LRRIQ3: variants seen among roughly 807,000 people sequenced by gnomAD.
The protein encoded by LRRIQ3 is leucine rich repeats and IQ motif containing 3.
A neutral mutation model predicts 59.3 loss-of-function variants in LRRIQ3; 75 were observed. The ratio of observed to expected loss-of-function variants is 1.26; its 90% CI spans 1.05 to 1.53. The LOEUF (loss-of-function observed/expected upper bound fraction) is 1.53, where lower values mean the gene tolerates loss of function less well. LRRIQ3 is among the 40% of genes most tolerant of loss of function. The pLI is 0.00. For missense variants in LRRIQ3, 831 were observed against 710.0 expected, an observed-to-expected ratio of 1.17 and a Z score of -1.94; for synonymous variants, 250 against 231.3, an observed-to-expected ratio of 1.08 and a Z score of -0.73.
chr1:74,032,901 C>A (rs1653760592), intron 7 of LRRIQ3, among the ~76,000 whole-genome samples: 1 of 151,644 alleles, frequency 6.6e-6, no homozygotes, highest in Non-Finnish European at 1.5e-5. Flanking sequence ...AAAATGGAAA[C>A]CTAATCATGA....
At chr1:74,059,351 T>G (rs1395771918) in intron 6 of LRRIQ3, among the ~76,000 whole-genome samples, 1 of 152,036 alleles carries the variant, frequency 6.6e-6, no homozygotes, top group Non-Finnish European at 1.5e-5. Flanking sequence ...CATCTTCTCT[T>G]TTAAGACATT....
chr1:74,046,574 C>A (rs1469195458), intron 6 of LRRIQ3, among the ~76,000 whole-genome samples: 1 of 152,104 alleles, frequency 6.6e-6, no homozygotes, highest in Non-Finnish European at 1.5e-5. Context: ...AAAGCAACAG[C>A]AACAAAAGCC....
intron 4 of LRRIQ3, among the ~76,000 whole-genome samples, chr1:74,110,304 T>C (rs758332387): frequency 2.6e-5 from 4 of 151,940 alleles, no homozygotes; most frequent in Non-Finnish European, 5.9e-5. Context: ...CATAGACCAA[T>C]CTCACCTTTG....
At chr1:74,030,459 C>T (rs1242435625) in intron 7 of LRRIQ3, among the ~76,000 whole-genome samples, 1 of 152,054 alleles carries the variant, frequency 6.6e-6, no homozygotes, top group African/African-American at 2.4e-5. Flanking sequence ...TAATACCACA[C>T]ATCTACAACT....
chr1:74,122,255 G>C (rs879179074), intron 4 of LRRIQ3, among the ~76,000 whole-genome samples: 9 of 152,192 alleles, frequency 5.9e-5, no homozygotes, highest in African/African-American at 2.2e-4. Flanking sequence ...GTTGTTTCCT[G>C]ACTTTTTAAT....
chr1:74,141,301 A>C (rs1478801626), intron 4 of LRRIQ3, among the ~76,000 whole-genome samples: 3 of 151,864 alleles, frequency 2.0e-5, no homozygotes, highest in Non-Finnish European at 4.4e-5. Flanking sequence ...TCTTAATAGT[A>C]CATGATAGAT....
intron 6 of LRRIQ3, among the ~76,000 whole-genome samples, chr1:74,055,178 C>CACACA (rs1654490050): frequency 8.8e-5 from 3 of 33,976 alleles, no homozygotes; most frequent in Non-Finnish European, 6.6e-5. Context: ...TACATATACA[C>CACACA]TTTATATATA....
At chr1:74,047,023 A>T (rs1426227768) in intron 6 of LRRIQ3, among the ~76,000 whole-genome samples, 1 of 152,182 alleles carries the variant, frequency 6.6e-6, no homozygotes, top group African/African-American at 2.4e-5. Context: ...TAGTTCAACC[A>T]TTGTGGGAGA....
In LRRIQ3 at chr1:74,198,061, CAAATCGCT is replaced by C. The variant is rs1040949209; in HGVS notation, c.-74_-67del. 1.2e-5 allele frequency: 12 copies of C among 987,862 alleles called. No homozygotes were observed. In the Admixed American group the frequency reaches 2.4e-4, roughly 20 times the overall value. 61.2% of individuals were successfully genotyped at this position (987,862 alleles called of 1,614,324 possible). A position where few individuals can be genotyped will look rare whatever the true frequency, so the allele number is the denominator to read the frequency against. On this transcript the variant is annotated 5_prime_UTR_variant, in exon 1 of 8. It introduces an in-frame stop codon into an upstream open reading frame of the 5' UTR. Transcript: ENST00000354431. ...GTGGCCCAGCCCCAACACAGTCAGA[CAAATCGCT>C]GGGCGGCCATCTGCTCCTGAGACCG...
chr1:74,066,429 A>G (rs1278470596), intron 6 of LRRIQ3, among the ~76,000 whole-genome samples: 2 of 152,178 alleles, frequency 1.3e-5, no homozygotes, highest in East Asian at 3.9e-4. Flanking sequence ...TTCTCAAAAA[A>G]TATTATACAA....
In LRRIQ3 at chr1:74,055,109, C is replaced by A. The variant is rs1384228090; in HGVS notation, c.998-13176G>T. On this transcript the variant is annotated intron_variant, in intron 6 of 7. Coordinates refer to ENST00000354431, the MANE Select transcript of LRRIQ3 (RefSeq NM_001105659.2). ...CACTTTTTATCACAGAATAACACAACCATCATGACATGTATGCACATACAT... is the reference window on the plus strand; with the variant it reads ...CACTTTTTATCACAGAATAACACAAACATCATGACATGTATGCACATACAT... 5.4e-5 allele frequency among the ~76,000 whole-genome samples: 8 copies of A among 146,864 alleles called. No homozygotes were observed. In the East Asian group the frequency reaches 1.2e-3, roughly 22 times the overall value.
At chr1:74,096,220 A>T (rs1257436079) in intron 5 of LRRIQ3, among the ~76,000 whole-genome samples, 1 of 152,104 alleles carries the variant, frequency 6.6e-6, no homozygotes, top group African/African-American at 2.4e-5. Flanking sequence ...CATGTCATGC[A>T]GCCTCTGGAA....
intron 3 of LRRIQ3, among the ~76,000 whole-genome samples, chr1:74,176,892 C>T (rs146730999): frequency 2.0e-5 from 3 of 152,252 alleles, no homozygotes; most frequent in East Asian, 3.9e-4. Context: ...TGACATCACC[C>T]TACAGGGTGT....
rs188164030 is a variant in LRRIQ3, at chr1:74,155,760, C to T, written c.680G>A (p.Arg227His). 63 of 1,574,772 alleles carry T rather than the reference C, an allele frequency of 4.0e-5. No homozygotes were observed. In the African/African-American group the frequency reaches 5.1e-4, roughly 13 times the overall value. Residue 227 changes from arginine (R) to histidine (H), a missense_variant, in exon 4 of 8, where the codon CGT (arginine) becomes CAT (histidine). Coordinates refer to ENST00000354431, the MANE Select transcript of LRRIQ3 (RefSeq NM_001105659.2). ...SPVLIVQRWI[R>H]GFLVRKNLSP... is the part of the protein sequence containing the mutation. ...CAAATTTTTTCTAACTAAGAAACCA[C>T]GTATCCATCTTTGAACAATCAAAAC...
chr1:74,180,607 T>A, intron 3 of LRRIQ3: 1 of 1,015,602 alleles, frequency 9.8e-7, no homozygotes, highest in Non-Finnish European at 1.4e-6. Flanking sequence ...TCCACACTTA[T>A]TCTTCTCCTC....
At position 74,031,433 on chromosome 1, in the gene LRRIQ3, C is replaced by T. The variant is rs1207923822; in HGVS notation, c.1719-4464G>A. 2.0e-5 allele frequency among the ~76,000 whole-genome samples: 3 copies of T among 151,914 alleles called. No homozygotes were observed. In the East Asian group the frequency reaches 5.8e-4, roughly 29 times the overall value. ...TACACCATGGAATACTATGCAGCCA[C>T]AAAAAATGATGAGTTCATGTCCTTT... is the stretch of plus-strand genomic sequence containing the variant. On this transcript the variant is annotated intron_variant, in intron 7 of 7. Coordinates refer to ENST00000354431, the MANE Select transcript of LRRIQ3 (RefSeq NM_001105659.2).
chr1:74,155,647 G>A (rs550290325), intron 4 of LRRIQ3, 86 bp downstream of exon 4: 2 of 1,296,290 alleles, frequency 1.5e-6, no homozygotes, highest in South Asian at 3.1e-5. Flanking sequence ...ATACAAAAAT[G>A]CAAATTATTG....
chr1:74,115,034 T>C (rs1203423362), intron 4 of LRRIQ3, among the ~76,000 whole-genome samples: 1 of 151,996 alleles, frequency 6.6e-6, no homozygotes, highest in Admixed American at 6.6e-5. Context: ...TACTATCTTG[T>C]CGAATGATTT....
chr1:74,107,605 T>C (rs914369599), intron 5 of LRRIQ3, among the ~76,000 whole-genome samples: 1 of 149,274 alleles, frequency 6.7e-6, no homozygotes, highest in African/African-American at 2.4e-5. Flanking sequence ...AAAATAAGAA[T>C]AATGAAAGAT....
Sources: gnomAD v4.1 joint callset for allele counts (sites outside exome capture counted in the v4.1 genomes callset) on GRCh38, gnomAD v4.1.1 for gene constraint, MANE v1.5 for transcripts, NCBI Gene and HGNC (gene_info 2026-07-23, HGNC 2026-07-21) for gene names.